The following ZNF682 variants were observed in gnomAD, a reference collection of about 807,000 sequenced individuals.
The protein encoded by ZNF682 is zinc finger protein 682.
ZNF682 carries 29 observed loss-of-function variants against 36.5 expected under a neutral mutation model. The ratio of observed to expected loss-of-function variants is 0.80; its 90% CI spans 0.59 to 1.08. ZNF682 has a LOEUF of 1.08. ZNF682 is among the 50% of genes least tolerant of loss of function. The probability of loss-of-function intolerance (pLI) is 0.00; values close to 1 mark genes in which losing one functional copy is unlikely to be tolerated. For synonymous variants in ZNF682, 180 were observed against 197.0 expected (o/e 0.91, Z 0.72); for missense variants, 561 against 579.7 (o/e 0.97, Z 0.33).
intron 3 of ZNF682, among the ~76,000 whole-genome samples, chr19:19,998,405 G>A (rs2088141053): frequency 2.0e-5 from 3 of 152,172 alleles, no homozygotes; most frequent in South Asian, 2.1e-4. Context: ...CACTATGGCC[G>A]CAGAGAGCCT....
chr19:20,036,764 C>T (rs970334891), intron 1 of ZNF682, among the ~76,000 whole-genome samples: 4 of 134,254 alleles, frequency 3.0e-5, no homozygotes, highest in South Asian at 2.4e-4. Context: ...GCCAGGTGTT[C>T]GACACCAGTT....
At chr19:20,010,823 G>C (rs551011976) in intron 3 of ZNF682, among the ~76,000 whole-genome samples, 1 of 151,950 alleles carries the variant, frequency 6.6e-6, no homozygotes, top group South Asian at 2.1e-4. Context: ...AAATTAGCTG[G>C]ACGTGGTGGT....
At chr19:20,025,334 T>C (rs2088421274) in intron 1 of ZNF682, among the ~76,000 whole-genome samples, 1 of 152,168 alleles carries the variant, frequency 6.6e-6, no homozygotes, top group African/African-American at 2.4e-5. Context: ...TAATTAACTT[T>C]ATAATTAAAA....
At chr19:19,998,250 G>A (rs1379832026) in intron 3 of ZNF682, among the ~76,000 whole-genome samples, 1 of 152,196 alleles carries the variant, frequency 6.6e-6, no homozygotes, top group Non-Finnish European at 1.5e-5. Context: ...ATGACATGGA[G>A]TGACCCAAAT....
At chr19:20,022,816 G>A (rs536701556) in intron 3 of ZNF682, among the ~76,000 whole-genome samples, 188 bp downstream of exon 3, 7 of 152,248 alleles carry the variant, frequency 4.6e-5, no homozygotes, top group African/African-American at 1.7e-4. Flanking sequence ...TCAAAGTAAG[G>A]TTACTTTTTA....
At chr19:20,008,550 G>A (rs1442425328) in intron 3 of ZNF682, among the ~76,000 whole-genome samples, 5 of 152,114 alleles carry the variant, frequency 3.3e-5, no homozygotes, top group Non-Finnish European at 5.9e-5. Context: ...ATCACCAAAC[G>A]ACTCACAGAC....
rs778285984 is a variant in ZNF682 at position 20,006,237 on chromosome 19, T to C, written c.1265A>G (p.Glu422Gly). The part of the protein sequence containing the change: ...LTEHKRIHTG[E>G]KPYNCEECGK... ...ACATTCTTCACAGTTGTAGGGTTTC[T>C]CTCCAGTATGAATTCTCTTATGTTC... The change falls in exon 4 of 4, where the codon GAG becomes GGG. Residue 422 changes from glutamate to glycine, a missense_variant. By Grantham distance (98) the Glu-to-Gly change is moderately conservative (BLOSUM62 -2). Coordinates refer to ENST00000397165, the MANE Select transcript of ZNF682 (RefSeq NM_033196.3). 1 of 1,613,956 alleles carries C rather than the reference T, an allele frequency of 6.2e-7. No individual in the cohort carries two copies. The highest frequency in any genetic ancestry group is 8.5e-7 in the Non-Finnish European group (1 of 1,179,978).
chr19:20,014,751 G>A (rs1280967114), intron 3 of ZNF682, among the ~76,000 whole-genome samples: 3 of 147,892 alleles, frequency 2.0e-5, no homozygotes, highest in Admixed American at 1.4e-4. Context: ...CTGCATTCCA[G>A]CCTGGCAACA....
intron 3 of ZNF682, among the ~76,000 whole-genome samples, chr19:20,010,324 T>C (rs2088273318): frequency 6.6e-6 from 1 of 152,124 alleles, no homozygotes; most frequent in Non-Finnish European, 1.5e-5. Flanking sequence ...AAGATATCAA[T>C]ATTAACCTTG....
At chr19:20,002,793 A>G (rs1213113451), downstream of ZNF682, among the ~76,000 whole-genome samples, 2 of 152,180 alleles carry the variant, frequency 1.3e-5, no homozygotes, top group East Asian at 3.8e-4. Context: ...AGAGTTGATA[A>G]AAAAAGAAAC....
intron 3 of ZNF682, among the ~76,000 whole-genome samples, chr19:20,020,227 G>A (rs748662466): frequency 9.2e-5 from 14 of 152,152 alleles, no homozygotes; most frequent in Non-Finnish European, 1.9e-4. Flanking sequence ...GCCAAGCACA[G>A]TGGCTCACAC....
intron 3 of ZNF682, among the ~76,000 whole-genome samples, chr19:20,010,791 CCT>C (rs1184871133): frequency 1.3e-4 from 19 of 151,872 alleles, no homozygotes; most frequent in Admixed American, 1.2e-3. Flanking sequence ...ATGGTGAAAC[CCT>C]GTCTCTAATA....
intron 1 of ZNF682, among the ~76,000 whole-genome samples, chr19:20,029,796 A>G (rs1430153416): frequency 6.9e-6 from 1 of 145,034 alleles, no homozygotes; most frequent in Non-Finnish European, 1.5e-5. Flanking sequence ...GCTAGGTGGT[A>G]TGCCTCTAGA....
At chr19:19,998,434 G>A (rs533691594) in intron 3 of ZNF682, among the ~76,000 whole-genome samples, 17 of 152,306 alleles carry the variant, frequency 1.1e-4, no homozygotes, top group African/African-American at 4.1e-4. Flanking sequence ...GAAGCAGAAG[G>A]ATGGAGAATC....
At chr19:20,038,507 G>A (rs1022244825) in intron 1 of ZNF682, among the ~76,000 whole-genome samples, 1 of 151,488 alleles carries the variant, frequency 6.6e-6, no homozygotes, top group Non-Finnish European at 1.5e-5. Flanking sequence ...TTGAGATTCT[G>A]TTTGTCACAC....
intron 1 of ZNF682, among the ~76,000 whole-genome samples, chr19:20,028,622 C>A (rs1332890096): frequency 2.0e-5 from 3 of 152,286 alleles, no homozygotes; most frequent in Admixed American, 2.0e-4. Flanking sequence ...AGCGCCACAG[C>A]ACACAGTCCC....
intron 1 of ZNF682, among the ~76,000 whole-genome samples, chr19:20,024,846 A>T (rs1051918434): frequency 6.6e-6 from 1 of 152,258 alleles, no homozygotes; most frequent in African/African-American, 2.4e-5. Context: ...CAGAATCCAC[A>T]AAACCAATGT....
downstream of ZNF682, among the ~76,000 whole-genome samples, chr19:20,001,417 T>C (rs889486024): frequency 3.3e-5 from 5 of 152,232 alleles, no homozygotes. Flanking sequence ...CTGATCCCCA[T>C]ATCCCATCAG....
At chr19:20,015,117 A>C in intron 3 of ZNF682, 2 of 812,350 alleles carry the variant, frequency 2.5e-6, no homozygotes, top group Non-Finnish European at 3.0e-6. Context: ...TGTATTTTGC[A>C]CAATTAAAAA....
Sources: gnomAD v4.1 joint callset for allele counts (sites outside exome capture counted in the v4.1 genomes callset) on GRCh38, gnomAD v4.1.1 for gene constraint, MANE v1.5 for transcripts, NCBI Gene and HGNC (gene_info 2026-07-23, HGNC 2026-07-21) for gene names.